The following CEP152 variants were observed in gnomAD, a reference collection of about 807,000 sequenced individuals.
The protein encoded by CEP152 is centrosomal protein 152, also known as centrosomal protein of 152 kDa.
A neutral mutation model predicts 188.9 loss-of-function variants in CEP152; 132 were observed. That is an observed-to-expected ratio of 0.70 (90% CI 0.61 to 0.81). The LOEUF is 0.81. CEP152 is among the 30% of genes least tolerant of loss of function. The pLI, the probability that CEP152 is intolerant of heterozygous loss-of-function variation, is 0.00. For synonymous variants in CEP152, 649 were observed against 666.6 expected, an observed-to-expected ratio of 0.97 and a Z score of 0.41; for missense variants, 1,914 against 1,969.8, an observed-to-expected ratio of 0.97 and a Z score of 0.54.
chr15:48,796,010 T>A lies in CEP152; in HGVS notation c.691A>T (p.Asn231Tyr). The A allele has an allele frequency of 6.2e-7, 1 of 1,613,642 alleles. No individual in the cohort carries two copies. Among genetic ancestry groups the A allele is most frequent in the African/African-American group, 1.3e-5 (1 of 75,048 alleles). Residue 231 changes from asparagine to tyrosine, a missense_variant and splice_region_variant, in exon 6 of 27, where the codon AAC becomes TAC. Asn to Tyr is a moderately radical substitution (Grantham distance 143, BLOSUM62 -2). Transcript: ENST00000380950. The part of the protein sequence containing the change: ...LQQQFLGANE[N>Y]SAENMQIIQL... ...AAATAAATATAAACTTGATACCTAC[T>A]CTCATTAGCTCCTAAAAATTGTTGT... is the stretch of plus-strand genomic sequence containing the variant.
At chr15:48,736,947 T>C (rs202058047), downstream of CEP152, among the ~76,000 whole-genome samples, 1 of 152,198 alleles carries the variant, frequency 6.6e-6, no homozygotes. Flanking sequence ...GAGTGAGAGA[T>C]GACAGCCTAA....
intron 5 of CEP152, 69 bp from the exon 6 acceptor site, chr15:48,796,229 C>A: frequency 6.5e-7 from 1 of 1,538,632 alleles, no homozygotes; most frequent in Non-Finnish European, 8.9e-7. Flanking sequence ...AATTAGACAC[C>A]TAAATTAATG....
At position 48,789,487 on chromosome 15, in the gene CEP152, A is replaced by G. The variant is rs563937462; in HGVS notation, c.973-486T>C. Among the ~76,000 whole-genome samples the G allele has an allele frequency of 1.4e-4, 21 of 152,382 alleles. 1 individual carries two copies. In the South Asian group the frequency reaches 4.1e-3, roughly 30 times the overall value. ...CACAGTTGGTATTGTAGGCAAAATC[A>G]TAGCCCTCCAAAATGACCGTGTCCT... is the stretch of plus-strand genomic sequence containing the variant. On this transcript the variant is annotated intron_variant, in intron 8 of 26. Transcript: ENST00000380950.
intron 11 of CEP152, among the ~76,000 whole-genome samples, chr15:48,781,726 G>A (rs1896254745): frequency 6.6e-6 from 1 of 152,156 alleles, no homozygotes; most frequent in South Asian, 2.1e-4. Context: ...TTAGCCTGCC[G>A]GTGGTGAAAA....
chr15:48,751,570 A>T (rs765748244), intron 21 of CEP152, among the ~76,000 whole-genome samples: 1 of 152,234 alleles, frequency 6.6e-6, no homozygotes, highest in Non-Finnish European at 1.5e-5. Context: ...TTTACTTAGT[A>T]GGTATGACTG....
In CEP152 at chr15:48,744,936, T is replaced by C. The variant is rs1378396531; in HGVS notation, c.3691A>G (p.Lys1231Glu). 6.2e-6 allele frequency: 10 copies of C among 1,611,158 alleles called. No individual in the cohort carries two copies. The highest frequency in any genetic ancestry group is 8.5e-6 in the Non-Finnish European group (10 of 1,179,094). ...LIEENNDMKN[K>E]LEELQTLCKT... Reference sequence around the variant, plus strand: ...CAAAGTGTTTGCAATTCTTCCAATTTATTCTTCATGTCGTTGTTTTCTTCT... The same window carrying C: ...CAAAGTGTTTGCAATTCTTCCAATTCATTCTTCATGTCGTTGTTTTCTTCT... Residue 1231 changes from lysine (K) to glutamate (E), a missense_variant, in exon 23 of 27, where the codon AAA becomes GAA. Lys to Glu is a moderately conservative substitution (Grantham distance 56). Coordinates refer to ENST00000380950, the MANE Select transcript of CEP152 (RefSeq NM_001194998.2).
Position 48,762,615 on chromosome 15 carries a change from T to G in CEP152, c.2338A>C (p.Thr780Pro). The change falls in exon 18 of 27, where the codon ACT (threonine) becomes CCT (proline). Residue 780 changes from threonine to proline, a missense_variant. Coordinates refer to ENST00000380950, the MANE Select transcript of CEP152 (RefSeq NM_001194998.2). The stretch of plus-strand genomic sequence containing the variant: ...GTCTTCTTTTTCATTGCCTTTATAG[T>G]TTGATCCAGCTTAGACTGCCACTCC... ...EKEWQSKLDQ[T>P]IKAMKKKTLD... 6.2e-7 allele frequency: 1 copy of G among 1,614,034 alleles called. No individual in the cohort carries two copies. Among genetic ancestry groups the G allele is most frequent in the Non-Finnish European group, 8.5e-7 (1 of 1,179,992 alleles).
At chr15:48,784,233 G>A (rs1896472436) in intron 9 of CEP152, 113 bp from the exon 10 acceptor site, 2 of 1,021,656 alleles carry the variant, frequency 2.0e-6, no homozygotes, top group Admixed American at 2.1e-5. Flanking sequence ...TCATCACATG[G>A]GAGCATCACC....
rs374523591 is a variant in CEP152, at chr15:48,782,249, T to C, written c.1322-19A>G. 6.2e-6 allele frequency: 10 copies of C among 1,608,596 alleles called. No homozygotes were observed. Among genetic ancestry groups the C allele is most frequent in the Middle Eastern group, 1.7e-4 (1 of 6,042 alleles). On this transcript the variant is annotated intron_variant, in intron 10 of 26. Coordinates refer to ENST00000380950, the MANE Select transcript of CEP152 (RefSeq NM_001194998.2). Reference sequence around the variant, plus strand: ...ACTGACCCTGCAGAGGAAAGAACCATAGGATATACTGAAAAAATTAAGGGG... The same window carrying C: ...ACTGACCCTGCAGAGGAAAGAACCACAGGATATACTGAAAAAATTAAGGGG...
chr15:48,804,419 C>T (rs1424243944), intron 2 of CEP152, among the ~76,000 whole-genome samples: 2 of 152,224 alleles, frequency 1.3e-5, no homozygotes, highest in Non-Finnish European at 2.9e-5. Context: ...CCTGTTAATA[C>T]TCATGGTCCA....
chr15:48,763,410 A>T (rs889416231), intron 17 of CEP152, among the ~76,000 whole-genome samples: 4 of 152,242 alleles, frequency 2.6e-5, no homozygotes, highest in Non-Finnish European at 5.9e-5. Flanking sequence ...GCAGTGGCTC[A>T]TGCCTGTAAT....
In CEP152 at chr15:48,742,015, G is replaced by T; in HGVS notation, c.3921C>A (p.Thr1307=). The change falls in exon 25 of 27, where the codon ACC becomes ACA. Residue 1307 remains threonine, a synonymous_variant. Coordinates refer to ENST00000380950, the MANE Select transcript of CEP152 (RefSeq NM_001194998.2). The part of the protein sequence containing the change: ...KAEVLRERQE[T]ARKMRKYYLI... ...AATAATATTTGCGCATCTTTCGGGC[G>T]GTTTCTTGACGTTCTCGCAGTACCT... The T allele has an allele frequency of 6.2e-7, 1 of 1,614,054 alleles. No homozygotes were observed. Among genetic ancestry groups the T allele is most frequent in the East Asian group, 2.2e-5 (1 of 44,888 alleles).
Position 48,797,677 on chromosome 15 carries a change from T to C in CEP152, c.245A>G (p.Lys82Arg). The change falls in exon 4 of 27, where the codon AAA (lysine) becomes AGA (arginine). Residue 82 changes from lysine to arginine, a missense_variant. Coordinates refer to ENST00000380950, the MANE Select transcript of CEP152 (RefSeq NM_001194998.2). Reference sequence around the variant, plus strand: ...GATACTTACATTTACACTTTGAGATTTGGGCAGCATTTGCTCATTCCAGCT... The same window carrying C: ...GATACTTACATTTACACTTTGAGATCTGGGCAGCATTTGCTCATTCCAGCT... ...EMSWNEQMLP[K>R]SQSVNGYNEI... is the part of the protein sequence containing the mutation. 1 of 1,614,120 alleles carries C rather than the reference T, an allele frequency of 6.2e-7. No individual in the cohort carries two copies. Among genetic ancestry groups the C allele is most frequent in the Non-Finnish European group, 8.5e-7 (1 of 1,180,008 alleles).
At position 48,773,497 on chromosome 15, in the gene CEP152, G is replaced by T. The variant is rs1010601817; in HGVS notation, c.1578-806C>A. 1.2e-4 allele frequency: 18 copies of T among 152,472 alleles called. No individual in the cohort carries two copies. In the East Asian group the frequency reaches 1.5e-3, roughly 13 times the overall value. 9.4% of individuals were successfully genotyped at this position (152,472 alleles called of 1,614,324 possible). ...TCAGAGAAAGAATTCAGAATTTGGG[G>T]AGTCCAGAGTGGCTAGAATATGAAG... On this transcript the variant is annotated intron_variant, in intron 12 of 26. Transcript: ENST00000380950.
At chr15:48,761,551 A>G (rs919917830) in intron 18 of CEP152, among the ~76,000 whole-genome samples, 1 of 152,226 alleles carries the variant, frequency 6.6e-6, no homozygotes, top group Non-Finnish European at 1.5e-5. Flanking sequence ...TCTCATGCAT[A>G]AACAGCACAG....
chr15:48,803,669 A>G (rs891057919), intron 2 of CEP152, among the ~76,000 whole-genome samples: 1 of 152,140 alleles, frequency 6.6e-6, no homozygotes, highest in Non-Finnish European at 1.5e-5. Flanking sequence ...CCAGCATACA[A>G]TCTATCAAAG....
At chr15:48,798,171 T>C in intron 2 of CEP152, 120 bp from the exon 3 acceptor site, 2 of 730,636 alleles carry the variant, frequency 2.7e-6, no homozygotes, top group South Asian at 3.0e-5. Flanking sequence ...ATTCCCTCCT[T>C]TAATTAACTT....
intron 9 of CEP152, among the ~76,000 whole-genome samples, chr15:48,788,183 C>G (rs1429116505): frequency 6.6e-6 from 1 of 151,976 alleles, no homozygotes; most frequent in African/African-American, 2.4e-5. Context: ...TATTCTAGGA[C>G]CATATAAACA....
intron 18 of CEP152, among the ~76,000 whole-genome samples, chr15:48,760,754 G>C (rs1894625570): frequency 6.6e-6 from 1 of 152,098 alleles, no homozygotes; most frequent in Non-Finnish European, 1.5e-5. Context: ...TAAAGAATGA[G>C]GGTGATACCT....
Sources: gnomAD v4.1 joint callset for allele counts (sites outside exome capture counted in the v4.1 genomes callset) on GRCh38, gnomAD v4.1.1 for gene constraint, MANE v1.5 for transcripts, NCBI Gene and HGNC (gene_info 2026-07-23, HGNC 2026-07-21) for gene names.